The following PRKDC variants were observed in gnomAD, a reference collection of about 807,000 sequenced individuals.
PRKDC encodes the protein DNA-dependent protein kinase catalytic subunit.
Under a neutral mutation model 486.9 loss-of-function variants are expected in PRKDC, and 82 were observed. The observed-to-expected ratio is 0.17, with a 90% CI of 0.14 to 0.20. PRKDC has a LOEUF of 0.20. PRKDC is among the 10% of genes least tolerant of loss of function. The probability of loss-of-function intolerance (pLI) is 1.00; values close to 1 mark genes in which losing one functional copy is unlikely to be tolerated. For synonymous variants in PRKDC, 1,895 were observed against 1,837.0 expected (o/e 1.03, Z -0.81); for missense variants, 4,504 against 5,038.2 (o/e 0.89, Z 3.21).
chr8:47,900,583 C>G (rs1337240795), intron 27 of PRKDC, 116 bp from the exon 28 acceptor site: 1 of 935,510 alleles, frequency 1.1e-6, no homozygotes, highest in East Asian at 3.0e-5. Context: ...TTTTTGTGGC[C>G]GGGTGCGGTG....
intron 25 of PRKDC, among the ~76,000 whole-genome samples, chr8:47,907,837 G>T (rs528120119): frequency 6.6e-6 from 1 of 152,216 alleles, no homozygotes; most frequent in East Asian, 1.9e-4. Flanking sequence ...CTGCCAAGGA[G>T]GCAGAGCTCC....
intron 16 of PRKDC, among the ~76,000 whole-genome samples, chr8:47,932,469 G>A (rs1429848023): frequency 1.3e-5 from 2 of 151,934 alleles, no homozygotes; most frequent in South Asian, 2.1e-4. Context: ...TGCCTGCCTC[G>A]GCCTCCCAAA....
Position 47,834,409 on chromosome 8 carries a change from A to G in PRKDC, c.7952-13T>C, listed in dbSNP as rs1345891785. 11 of 1,611,974 alleles carry G rather than the reference A, an allele frequency of 6.8e-6. No individual in the cohort carries two copies. Among genetic ancestry groups the G allele is most frequent in the African/African-American group, 6.7e-5 (5 of 74,872 alleles). ...GAGCTTCTTCCATCTGTGACATGCAATCAGAGAGGTCAGGCACTCAGCATC... is the reference window on the plus strand; with the variant it reads ...GAGCTTCTTCCATCTGTGACATGCAGTCAGAGAGGTCAGGCACTCAGCATC... On this transcript the variant is annotated splice_polypyrimidine_tract_variant and intron_variant, in intron 58 of 85. Coordinates refer to ENST00000314191, the MANE Select transcript of PRKDC (RefSeq NM_006904.7).
At chr8:47,813,111 A>T (rs2087369879) in intron 68 of PRKDC, among the ~76,000 whole-genome samples, 1 of 151,162 alleles carries the variant, frequency 6.6e-6, no homozygotes, top group South Asian at 2.1e-4. Context: ...TTATTTATTT[A>T]TTTATTTATT....
At chr8:47,919,931 T>C (rs928408392) in intron 21 of PRKDC, among the ~76,000 whole-genome samples, 1 of 152,116 alleles carries the variant, frequency 6.6e-6, no homozygotes, top group Non-Finnish European at 1.5e-5. Context: ...TTTATTAGAA[T>C]GAGGGCAAGG....
At chr8:47,925,254 T>C (rs1366676048) in intron 21 of PRKDC, among the ~76,000 whole-genome samples, 1 of 152,144 alleles carries the variant, frequency 6.6e-6, no homozygotes. Context: ...AAAAAGATGA[T>C]GCAAACACTG....
intron 77 of PRKDC, 98 bp downstream of exon 77, chr8:47,785,015 G>T: frequency 8.6e-7 from 1 of 1,160,142 alleles, no homozygotes; most frequent in Non-Finnish European, 1.2e-6. Context: ...AGAAATAACT[G>T]TCAATATCCC....
rs1448403559 is a variant in PRKDC at position 47,834,176 on chromosome 8, C to T, written c.8152+20G>A. On this transcript the variant is annotated intron_variant, in intron 59 of 85. Transcript: ENST00000314191. Reference sequence around the variant, plus strand: ...TTTAGTGGGGAAGCTATTTTAAGCACACTCAGCAACCCAGCTTACCTTTCA... The same window carrying T: ...TTTAGTGGGGAAGCTATTTTAAGCATACTCAGCAACCCAGCTTACCTTTCA... 6.2e-7 allele frequency: 1 copy of T among 1,613,910 alleles called. No individual in the cohort carries two copies. The highest frequency in any genetic ancestry group is 1.7e-5 in the Admixed American group (1 of 60,030).
chr8:47,914,071 G>A lies in PRKDC; in HGVS notation c.2618-7C>T. 2 of 1,456,692 alleles carry A rather than the reference G, an allele frequency of 1.4e-6. No homozygotes were observed. Among genetic ancestry groups the A allele is most frequent in the Non-Finnish European group, 1.8e-6 (2 of 1,099,136 alleles). 90.2% of individuals were successfully genotyped at this position (1,456,692 alleles called of 1,614,324 possible). ...ATCTCATCTGAGGACGTGACTGTTA[G>A]AAAAGATTTAAGAAGAATGAAACAC... is the stretch of plus-strand genomic sequence containing the variant. On this transcript the variant is annotated splice_region_variant and splice_polypyrimidine_tract_variant and intron_variant, in intron 23 of 85. Coordinates refer to ENST00000314191, the MANE Select transcript of PRKDC (RefSeq NM_006904.7).
At position 47,934,028 on chromosome 8, in the gene PRKDC, C is replaced by T. The variant is rs2090304492; in HGVS notation, c.1560G>A (p.Lys520=). 1.9e-6 allele frequency: 3 copies of T among 1,613,620 alleles called. No homozygotes were observed. The highest frequency in any genetic ancestry group is 1.3e-5 in the African/African-American group (1 of 74,908). The change falls in exon 15 of 86, where the codon AAG becomes AAA. Residue 520 remains lysine, a synonymous_variant. Transcript: ENST00000314191. ...CCACGTAGTCTTTGTATGTGGGCACCTTCCATTTGCCAGTTCTGACTTCCC... is the reference window on the plus strand; with the variant it reads ...CCACGTAGTCTTTGTATGTGGGCACTTTCCATTTGCCAGTTCTGACTTCCC... ...ASGEVRTGKW[K]VPTYKDYVDL...
chr8:47,793,755 G>A (rs1208561929), intron 74 of PRKDC, among the ~76,000 whole-genome samples: 1 of 136,340 alleles, frequency 7.3e-6, no homozygotes, highest in African/African-American at 2.7e-5. Context: ...TCAAAATAAT[G>A]AGGCAGATCT....
intron 34 of PRKDC, among the ~76,000 whole-genome samples, chr8:47,888,306 A>G (rs2089379390): frequency 6.6e-6 from 1 of 152,190 alleles, no homozygotes; most frequent in African/African-American, 2.4e-5. Flanking sequence ...CTTTCATTTT[A>G]TATTTATAAA....
At chr8:47,905,435 A>G (rs2154502493) in intron 25 of PRKDC, among the ~76,000 whole-genome samples, 1 of 152,312 alleles carries the variant, frequency 6.6e-6, no homozygotes, top group Admixed American at 6.5e-5. Context: ...TTTAGGATAC[A>G]TATTGTTGGC....
At chr8:47,823,779 C>T (rs988286245) in intron 64 of PRKDC, 79 bp downstream of exon 64, 2 of 1,507,424 alleles carry the variant, frequency 1.3e-6, no homozygotes, top group Non-Finnish European at 9.1e-7. Flanking sequence ...TGCTGTACCT[C>T]GTTTTGCTTA....
rs1241346188 is a variant in PRKDC, at chr8:47,960,132, C to G, written c.-6G>C. 4.0e-6 allele frequency: 6 copies of G among 1,483,644 alleles called. No homozygotes were observed. The highest frequency in any genetic ancestry group is 5.5e-5 in the East Asian group (2 of 36,332). The allele number at this position is 1,483,644 out of a possible 1,614,324, so 91.9% of individuals were successfully genotyped here. On this transcript the variant is annotated 5_prime_UTR_variant, in exon 1 of 86. Transcript: ENST00000314191. ...CCGGCTCCGGAGCCCGCCATGCCGC[C>G]GAGTCCCGCTCCCGCGCGTGCGCCC...
At chr8:47,825,881 A>G (rs933752011) in intron 63 of PRKDC, among the ~76,000 whole-genome samples, 6 of 152,208 alleles carry the variant, frequency 3.9e-5, no homozygotes, top group Admixed American at 3.9e-4. Context: ...TGTGTAAAGT[A>G]CATACATTTC....
chr8:47,904,708 G>A (rs559899816), intron 26 of PRKDC, among the ~76,000 whole-genome samples, 161 bp downstream of exon 26: 1 of 152,330 alleles, frequency 6.6e-6, no homozygotes, highest in African/African-American at 2.4e-5. Context: ...CAGGAGAATT[G>A]CTTGATCCTG....
At chr8:47,836,273 T>C in intron 58 of PRKDC, 65 bp downstream of exon 58, 1 of 1,372,790 alleles carries the variant, frequency 7.3e-7, no homozygotes, top group Non-Finnish European at 9.5e-7. Context: ...AACACTGTTG[T>C]GACAGAAGCT....
chr8:47,773,969 G>C lies in PRKDC; in HGVS notation c.*204C>G. 1.9e-6 allele frequency: 1 copy of C among 512,982 alleles called. No homozygotes were observed. The highest frequency in any genetic ancestry group is 3.4e-6 in the Non-Finnish European group (1 of 296,014). 31.8% of individuals were successfully genotyped at this position (512,982 alleles called of 1,614,324 possible). On this transcript the variant is annotated 3_prime_UTR_variant, in exon 86 of 86. Transcript: ENST00000314191. The stretch of plus-strand genomic sequence containing the variant: ...TTTCTATAAACCTCACCTAATCTTT[G>C]ATGTTACTATAACCTTATCTTTGAT...
Sources: allele counts gnomAD v4.1 joint callset (sites outside exome capture counted in the v4.1 genomes callset), GRCh38; gene constraint gnomAD v4.1.1; transcripts MANE v1.5; gene names NCBI Gene and HGNC (gene_info 2026-07-23, HGNC 2026-07-21).